The following COL11A2 variants were observed in gnomAD, a reference collection of about 807,000 sequenced individuals.
COL11A2 encodes the protein collagen type XI alpha 2 chain, also known as collagen alpha-2(XI) chain.
Under a neutral mutation model 273.4 loss-of-function variants are expected in COL11A2, and 116 were observed. The observed-to-expected ratio is 0.42, with a 90% CI of 0.36 to 0.49. COL11A2 has a LOEUF of 0.49. Ranked by LOEUF, COL11A2 falls within the 20% of genes least tolerant of loss-of-function variation. COL11A2 has a pLI of 0.00. For missense variants in COL11A2, 1,866 were observed against 2,309.0 expected, an observed-to-expected ratio of 0.81 and a Z score of 3.93; for synonymous variants, 782 against 864.2, an observed-to-expected ratio of 0.90 and a Z score of 1.67.
chr6:33,164,796 G>A lies in COL11A2; in HGVS notation c.4863+56C>T. 6.8e-7 allele frequency: 1 copy of A among 1,470,834 alleles called. No individual in the cohort carries two copies. The highest frequency in any genetic ancestry group is 9.3e-7 in the Non-Finnish European group (1 of 1,076,364). 91.1% of individuals were successfully genotyped at this position (1,470,834 alleles called of 1,614,324 possible). On this transcript the variant is annotated intron_variant, in intron 64 of 65. Transcript: ENST00000341947. The surrounding 1 kb of genome is among the most constrained non-coding windows in gnomAD (Gnocchi z 4.7). Reference sequence around the variant, plus strand: ...GTCACCAAAACCCAGAAACCACTAAGCCCTGAGGGGGTGCACTATGGGGCA... The same window carrying A: ...GTCACCAAAACCCAGAAACCACTAAACCCTGAGGGGGTGCACTATGGGGCA...
In COL11A2 at chr6:33,192,460, T is replaced by TTC; in HGVS notation, c.-222_-221dup. On this transcript the variant is annotated 5_prime_UTR_variant, in exon 1 of 66. Coordinates refer to ENST00000341947, the MANE Select transcript of COL11A2 (RefSeq NM_080680.3). ...CTGCTCCCTCCTCGGTGGCTGCCGC[T>TTC]TCTGTGTGTCCCCGGCCACCCTGGC... The TTC allele has an allele frequency of 1.7e-6, 1 of 588,662 alleles. No homozygotes were observed. Among genetic ancestry groups the TTC allele is most frequent in the South Asian group, 2.0e-5 (1 of 50,178 alleles). The allele number at this position is 588,662 out of a possible 1,614,324, so 36.5% of individuals were successfully genotyped here.
chr6:33,189,466 G>A lies in COL11A2; in HGVS notation c.86C>T (p.Ala29Val), dbSNP rs2150625714. Residue 29 changes from alanine to valine, a missense_variant, in exon 2 of 66, where the codon GCA (alanine) becomes GTA (valine). Transcript: ENST00000341947. The surrounding 1 kb of genome is among the most constrained non-coding windows in gnomAD (Gnocchi z 5.6). ...GGCCCGGAGCACATCCACAGGGGGT[G>A]CACCTGGGAGAGTCCATGATTATCA... Reference protein sequence around the residue: ...GLSAAPGWAGAPPVDVLRALR... With the variant: ...GLSAAPGWAGVPPVDVLRALR... 1 of 1,613,068 alleles carries A rather than the reference G, an allele frequency of 6.2e-7. No individual in the cohort carries two copies. Among genetic ancestry groups the A allele is most frequent in the Non-Finnish European group, 8.5e-7 (1 of 1,180,006 alleles).
rs754112885 is a variant in COL11A2 at position 33,167,749 on chromosome 6, G to A, written c.4014+50C>T. 1 of 1,607,230 alleles carries A rather than the reference G, an allele frequency of 6.2e-7. No homozygotes were observed. Among genetic ancestry groups the A allele is most frequent in the Non-Finnish European group, 8.5e-7 (1 of 1,175,812 alleles). ...GCATCTGGAGACGGAGGCATCTGAG[G>A]GGTGGGAGGCGGAGGGGATGCTCCA... On this transcript the variant is annotated intron_variant, in intron 55 of 65. Transcript: ENST00000341947. The surrounding 1 kb of genome is among the most constrained non-coding windows in gnomAD (Gnocchi z 6.1).
At position 33,179,812 on chromosome 6, in the gene COL11A2, T is replaced by A. The variant is rs3129201; in HGVS notation, c.1360-7A>T. 6.2e-7 allele frequency: 1 copy of A among 1,609,422 alleles called. No homozygotes were observed. Among genetic ancestry groups the A allele is most frequent in the South Asian group, 1.1e-5 (1 of 91,074 alleles). On this transcript the variant is annotated splice_region_variant and splice_polypyrimidine_tract_variant and intron_variant, in intron 12 of 65. Transcript: ENST00000341947. This position sits in a 1 kb window ranked among gnomAD's most constrained non-coding sequence, Gnocchi z 6.4. ...CACCACTGCCAAACCGGAACTGAGGTCAAGGAGAGAAGGTCCAGGTTCTCT... is the reference window on the plus strand; with the variant it reads ...CACCACTGCCAAACCGGAACTGAGGACAAGGAGAGAAGGTCCAGGTTCTCT...
chr6:33,176,633 A>T lies in COL11A2; in HGVS notation c.2115+88T>A. On this transcript the variant is annotated intron_variant, in intron 26 of 65. Transcript: ENST00000341947. The surrounding 1 kb of genome is among the most constrained non-coding windows in gnomAD (Gnocchi z 4.9). Reference sequence around the variant, plus strand: ...TTGAGAATGTGGCAGAGCCATATGAATAATGAGACAAGGGAATCCCAAGGA... The same window carrying T: ...TTGAGAATGTGGCAGAGCCATATGATTAATGAGACAAGGGAATCCCAAGGA... 5 of 1,431,656 alleles carry T rather than the reference A, an allele frequency of 3.5e-6. No homozygotes were observed. Among genetic ancestry groups the T allele is most frequent in the Non-Finnish European group, 4.9e-6 (5 of 1,025,304 alleles). The allele number at this position is 1,431,656 out of a possible 1,614,324, so 88.7% of individuals were successfully genotyped here. A position where few individuals can be genotyped will look rare whatever the true frequency, so the allele number is the denominator to read the frequency against.
chr6:33,188,915 G>A, intron 3 of COL11A2, 63 bp downstream of exon 3: 1 of 1,565,354 alleles, frequency 6.4e-7, no homozygotes, highest in East Asian at 2.2e-5. Context: ...AGAGTGTAGG[G>A]GTTTGGGGGC....
intron 6 of COL11A2, 60 bp from the exon 7 acceptor site, chr6:33,185,114 G>T: frequency 7.7e-7 from 1 of 1,305,268 alleles, no homozygotes; most frequent in Non-Finnish European, 1.1e-6. Context: ...AGAAAGGTTA[G>T]CAGAAGGGAG....
At chr6:33,175,975 G>A (rs749022205) in intron 29 of COL11A2, 41 bp downstream of exon 29, 59 of 1,610,052 alleles carry the variant, frequency 3.7e-5, no homozygotes, top group Non-Finnish European at 4.8e-5. Flanking sequence ...TGGAGGCTCA[G>A]TAGAACACGG....
chr6:33,173,228 G>A lies in COL11A2; in HGVS notation c.2737-115C>T. The A allele has an allele frequency of 2.6e-6, 4 of 1,521,300 alleles. No homozygotes were observed. The highest frequency in any genetic ancestry group is 2.3e-5 in the South Asian group (2 of 86,562). The allele number at this position is 1,521,300 out of a possible 1,614,324, so 94.2% of individuals were successfully genotyped here. On this transcript the variant is annotated intron_variant, in intron 37 of 65. Coordinates refer to ENST00000341947, the MANE Select transcript of COL11A2 (RefSeq NM_080680.3). This position sits in a 1 kb window ranked among gnomAD's most constrained non-coding sequence, Gnocchi z 6.3. ...ACCAAGCCCTGGGCCCTGGGTCTGA[G>A]CAGCACCAGGGCAGGCTCCACTCTG... is the stretch of plus-strand genomic sequence containing the variant.
chr6:33,183,442 C>G (rs1771974372), intron 8 of COL11A2, among the ~76,000 whole-genome samples: 1 of 152,142 alleles, frequency 6.6e-6, no homozygotes, highest in Non-Finnish European at 1.5e-5. Context: ...GGTAATTCTT[C>G]CAGAAAACAC....
At position 33,179,974 on chromosome 6, in the gene COL11A2, C is replaced by G. The variant is rs138288372; in HGVS notation, c.1360-169G>C. Among the ~76,000 whole-genome samples the G allele has an allele frequency of 3.6e-4, 55 of 152,310 alleles. No individual in the cohort carries two copies. The highest frequency in any genetic ancestry group is 1.3e-3 in the African/African-American group (55 of 41,550). ...AGGATTCCAGAAACTCAACTCCTGC[C>G]CTCCTCCACTGTCCAGCCTCTGCCT... On this transcript the variant is annotated intron_variant, in intron 12 of 65. Coordinates refer to ENST00000341947, the MANE Select transcript of COL11A2 (RefSeq NM_080680.3). The surrounding 1 kb of genome is among the most constrained non-coding windows in gnomAD (Gnocchi z 6.4).
chr6:33,165,351 A>T lies in COL11A2; in HGVS notation c.4750+198T>A, dbSNP rs1158852107. The stretch of plus-strand genomic sequence containing the variant: ...CCTGCAGACACTGGGCTGATAACCA[A>T]CTGGTACACACTGACCCAGATCAGT... On this transcript the variant is annotated intron_variant, in intron 63 of 65. Transcript: ENST00000341947. The surrounding 1 kb of genome is among the most constrained non-coding windows in gnomAD (Gnocchi z 7.7). 3.9e-5 allele frequency among the ~76,000 whole-genome samples: 6 copies of T among 152,270 alleles called. No individual in the cohort carries two copies. The highest frequency in any genetic ancestry group is 6.5e-5 in the Admixed American group (1 of 15,302).
Position 33,163,496 on chromosome 6 carries a change from C to T in COL11A2, c.*182G>A. The T allele has an allele frequency of 1.2e-6, 1 of 810,966 alleles. No individual in the cohort carries two copies. Among genetic ancestry groups the T allele is most frequent in the Non-Finnish European group, 2.0e-6 (1 of 501,798 alleles). 50.2% of individuals were successfully genotyped at this position (810,966 alleles called of 1,614,324 possible). ...CCAAGAGCCCCAGATGCCACTCCTCCCGTGGGGTGTCCAGGCAACCACTTC... is the reference window on the plus strand; with the variant it reads ...CCAAGAGCCCCAGATGCCACTCCTCTCGTGGGGTGTCCAGGCAACCACTTC... On this transcript the variant is annotated 3_prime_UTR_variant, in exon 66 of 66. Coordinates refer to ENST00000341947, the MANE Select transcript of COL11A2 (RefSeq NM_080680.3). This position sits in a 1 kb window ranked among gnomAD's most constrained non-coding sequence, Gnocchi z 4.1.
At chr6:33,180,414 T>C in intron 11 of COL11A2, 82 bp from the exon 12 acceptor site, 1 of 1,249,406 alleles carries the variant, frequency 8.0e-7, no homozygotes, top group Non-Finnish European at 1.2e-6. Flanking sequence ...AATATCCTCT[T>C]CAACAGAATA....
Position 33,178,504 on chromosome 6 carries a change from A to C in COL11A2, c.1720-16T>G. ...CAGTATCACCCTGCAAAATGGGGGAACTCATAAGAGGGGCTTCAGAGCCCC... is the reference window on the plus strand; with the variant it reads ...CAGTATCACCCTGCAAAATGGGGGACCTCATAAGAGGGGCTTCAGAGCCCC... On this transcript the variant is annotated splice_polypyrimidine_tract_variant and intron_variant, in intron 18 of 65. Transcript: ENST00000341947. The surrounding 1 kb of genome is among the most constrained non-coding windows in gnomAD (Gnocchi z 4.6). 6.2e-7 allele frequency: 1 copy of C among 1,612,812 alleles called. No individual in the cohort carries two copies. The highest frequency in any genetic ancestry group is 2.2e-5 in the East Asian group (1 of 44,856).
intron 6 of COL11A2, 36 bp from the exon 7 acceptor site, chr6:33,185,090 G>A: frequency 6.7e-7 from 1 of 1,484,234 alleles, no homozygotes. Context: ...AGTAGCACGG[G>A]GTGGGAAGGA....
Position 33,167,911 on chromosome 6 carries a change from TC to T in COL11A2, c.3961-60del. 6.3e-7 allele frequency: 1 copy of T among 1,585,752 alleles called. No individual in the cohort carries two copies. On this transcript the variant is annotated intron_variant, in intron 54 of 65. Coordinates refer to ENST00000341947, the MANE Select transcript of COL11A2 (RefSeq NM_080680.3). The surrounding 1 kb of genome is among the most constrained non-coding windows in gnomAD (Gnocchi z 6.1). Reference sequence around the variant, plus strand: ...GCCGTGGGCAGCCAGGCTCAACTCTTCCCCCTTCCTGTCCTAGACACACACA... The same window carrying T: ...GCCGTGGGCAGCCAGGCTCAACTCTTCCCCTTCCTGTCCTAGACACACACA...
At position 33,165,889 on chromosome 6, in the gene COL11A2, A is replaced by T; in HGVS notation, c.4482+42T>A. On this transcript the variant is annotated intron_variant, in intron 62 of 65. Coordinates refer to ENST00000341947, the MANE Select transcript of COL11A2 (RefSeq NM_080680.3). The surrounding 1 kb of genome is among the most constrained non-coding windows in gnomAD (Gnocchi z 7.7). ...GGGTGAAGTGTGGCAGCAGTGGAGC[A>T]GAGGGGTACGGCCCTGGGAGCAGCC... The T allele has an allele frequency of 6.2e-7, 1 of 1,613,738 alleles. No individual in the cohort carries two copies. The highest frequency in any genetic ancestry group is 1.3e-5 in the African/African-American group (1 of 75,014).
rs756353540 is a variant in COL11A2 at position 33,174,214 on chromosome 6, G to A, written c.2435C>T (p.Ser812Phe). 4 of 1,566,228 alleles carry A rather than the reference G, an allele frequency of 2.6e-6. No homozygotes were observed. The highest frequency in any genetic ancestry group is 3.5e-6 in the Non-Finnish European group (4 of 1,155,540). ...GYPGRQGPKG[S>F]LGFPGFPGAS... Reference sequence around the variant, plus strand: ...ACCAGGAAAGCCAGGAAATCCTAGGGACCCCTGGTGAGAACGGAGAAGGGG... The same window carrying A: ...ACCAGGAAAGCCAGGAAATCCTAGGAACCCCTGGTGAGAACGGAGAAGGGG... The change falls in exon 32 of 66, where the codon TCC (serine) becomes TTC (phenylalanine). Residue 812 changes from serine (S) to phenylalanine (F), a missense_variant. By Grantham distance (155) the Ser-to-Phe change is radical. Coordinates refer to ENST00000341947, the MANE Select transcript of COL11A2 (RefSeq NM_080680.3).
Sources: allele counts gnomAD v4.1 joint callset (sites outside exome capture counted in the v4.1 genomes callset), GRCh38; gene constraint gnomAD v4.1.1; non-coding constraint Gnocchi (gnomAD v3.1); transcripts MANE v1.5; gene names NCBI Gene and HGNC (gene_info 2026-07-23, HGNC 2026-07-21).